Variants in DNAH11 observed in about 807,000 individuals in gnomAD.
The protein encoded by DNAH11 is dynein axonemal heavy chain 11, also known as axonemal beta dynein heavy chain 11.
Under a neutral mutation model 526.0 loss-of-function variants are expected in DNAH11, and 442 were observed. The ratio of observed to expected loss-of-function variants is 0.84; its 90% confidence interval spans 0.78 to 0.91. The LOEUF (loss-of-function observed/expected upper bound fraction) is 0.91. Ranked by LOEUF, DNAH11 falls within the 40% of genes least tolerant of loss-of-function variation. The pLI is 0.00. For missense variants in DNAH11, 6,989 were observed against 5,448.7 expected (o/e 1.28, Z -8.90); for synonymous variants, 2,461 against 1,935.9 (o/e 1.27, Z -7.12).
At chr7:21,760,133 G>T (rs967317254) in intron 54 of DNAH11, among the ~76,000 whole-genome samples, 1 of 152,138 alleles carries the variant, frequency 6.6e-6, no homozygotes, top group Non-Finnish European at 1.5e-5. Context: ...GGGGTGGGAG[G>T]AGAAGGGAGG....
chr7:21,807,062 C>T (rs1001082643), intron 62 of DNAH11, among the ~76,000 whole-genome samples: 7 of 152,156 alleles, frequency 4.6e-5, no homozygotes, highest in African/African-American at 1.7e-4. Flanking sequence ...TATGTTTTAA[C>T]TAATTAAGTA....
At chr7:21,887,354 G>A (rs1346047086) in intron 76 of DNAH11, among the ~76,000 whole-genome samples, 2 of 152,170 alleles carry the variant, frequency 1.3e-5, no homozygotes, top group Non-Finnish European at 2.9e-5. Context: ...ATTTGGCAGC[G>A]TTAATTAAGA....
At chr7:21,734,748 C>T (rs1220628503) in intron 45 of DNAH11, among the ~76,000 whole-genome samples, 2 of 152,006 alleles carry the variant, frequency 1.3e-5, no homozygotes, top group Non-Finnish European at 2.9e-5. Flanking sequence ...GTCTCAGCTA[C>T]TTGGGAGGCT....
At chr7:21,561,199 C>T in intron 5 of DNAH11, 29 bp downstream of exon 5, 1 of 1,476,266 alleles carries the variant, frequency 6.8e-7, no homozygotes, top group Non-Finnish European at 9.3e-7. Flanking sequence ...AGCCTGGCAT[C>T]AATATCACCA....
intron 26 of DNAH11, among the ~76,000 whole-genome samples, chr7:21,637,226 C>G (rs1253827495): frequency 2.0e-5 from 3 of 151,790 alleles, no homozygotes; most frequent in Non-Finnish European, 4.4e-5. Flanking sequence ...CCCTTTCTCT[C>G]TCCTTCTCCT....
intron 20 of DNAH11, among the ~76,000 whole-genome samples, chr7:21,607,232 G>C (rs551590829): frequency 3.3e-4 from 50 of 152,166 alleles, no homozygotes; most frequent in Admixed American, 7.2e-4. Context: ...CATCTAGCAC[G>C]GGAGAAAGAT....
At chr7:21,895,031 C>T (rs1784459493) in intron 79 of DNAH11, 32 bp downstream of exon 79, 4 of 1,571,088 alleles carry the variant, frequency 2.5e-6, no homozygotes, top group Non-Finnish European at 3.5e-6. Flanking sequence ...GCCACTGGCC[C>T]TGAGCAGCCT....
intron 61 of DNAH11, among the ~76,000 whole-genome samples, chr7:21,792,448 A>G (rs73277730): frequency 0.15 from 22,403 of 152,138 alleles, 1,687 homozygotes; most frequent in African/African-American, 0.18. Flanking sequence ...TCCCTCTTCA[A>G]TTTTTTGAAA....
intron 44 of DNAH11, among the ~76,000 whole-genome samples, chr7:21,725,083 A>T (rs2128485392): frequency 6.6e-6 from 1 of 152,348 alleles, no homozygotes; most frequent in South Asian, 2.1e-4. Flanking sequence ...TAAATGGCTT[A>T]TATCTATACT....
At chr7:21,617,103 C>T (rs1219823199) in intron 22 of DNAH11, among the ~76,000 whole-genome samples, 1 of 152,140 alleles carries the variant, frequency 6.6e-6, no homozygotes, top group Non-Finnish European at 1.5e-5. Context: ...TTCTCATTCA[C>T]AATTGCTGAT....
intron 70 of DNAH11, among the ~76,000 whole-genome samples, chr7:21,865,698 T>C (rs1241118402): frequency 1.3e-5 from 2 of 151,708 alleles, no homozygotes; most frequent in African/African-American, 4.8e-5. Flanking sequence ...CCAAGAGAGG[T>C]TCTTGGATCT....
intron 79 of DNAH11, among the ~76,000 whole-genome samples, chr7:21,895,875 G>A (rs757150655): frequency 2.0e-5 from 3 of 152,044 alleles, no homozygotes; most frequent in Non-Finnish European, 2.9e-5. Context: ...GACTACAGGC[G>A]CCCGCCACCA....
intron 45 of DNAH11, among the ~76,000 whole-genome samples, chr7:21,729,432 G>C (rs544787009): frequency 1.3e-5 from 2 of 152,142 alleles, no homozygotes; most frequent in African/African-American, 4.8e-5. Context: ...CATGTTCTGC[G>C]TATGGACAAG....
Position 21,854,350 on chromosome 7 carries a change from C to T in DNAH11, c.11097C>T (p.Asn3699=), listed in dbSNP as rs373865252. 1.2e-5 allele frequency: 20 copies of T among 1,613,432 alleles called. No homozygotes were observed. In the Middle Eastern group the frequency reaches 4.9e-4, roughly 40 times the overall value. ...CCAAAGAAAATGAAAGAAAAATCAA[C>T]GAGGCCCGAGAATGTTACAGACCAG... ...IEAKENERKI[N]EARECYRPVA... The change falls in exon 68 of 82, where the codon AAC becomes AAT. Residue 3699 remains asparagine (N), a synonymous_variant. Transcript: ENST00000409508.
At chr7:21,726,810 G>A (rs1457228362) in intron 45 of DNAH11, among the ~76,000 whole-genome samples, 1 of 112,920 alleles carries the variant, frequency 8.9e-6, no homozygotes, top group Non-Finnish European at 1.8e-5. Flanking sequence ...GCGGTGAGCC[G>A]AGATCGCGCC....
At chr7:21,759,617 T>C (rs749534812) in intron 54 of DNAH11, among the ~76,000 whole-genome samples, 3 of 152,184 alleles carry the variant, frequency 2.0e-5, no homozygotes, top group Non-Finnish European at 4.4e-5. Flanking sequence ...ATGTAAGTGA[T>C]GGATGGAAGC....
intron 73 of DNAH11, among the ~76,000 whole-genome samples, chr7:21,872,892 T>C (rs1465226614): frequency 6.6e-6 from 1 of 152,204 alleles, no homozygotes; most frequent in African/African-American, 2.4e-5. Flanking sequence ...TTAGTTTTCA[T>C]ATTTTCTCAA....
chr7:21,884,871 A>G (rs562710151), intron 76 of DNAH11, among the ~76,000 whole-genome samples: 1 of 152,268 alleles, frequency 6.6e-6, no homozygotes, highest in African/African-American at 2.4e-5. Context: ...TCTGCCTGTC[A>G]TGGAAGTCCT....
rs927630108 is a variant in DNAH11, at chr7:21,896,948, G to A, written c.13049+1949G>A. 5.3e-5 allele frequency among the ~76,000 whole-genome samples: 8 copies of A among 152,116 alleles called. No homozygotes were observed. In the South Asian group the frequency reaches 1.0e-3, roughly 20 times the overall value. ...AAATTAGCCAGGTGTGGTGGCATGC[G>A]ACTGTAGTCCTAGCTACTCAAGGTG... On this transcript the variant is annotated intron_variant, in intron 79 of 81. Transcript: ENST00000409508.
Sources: allele counts gnomAD v4.1 joint callset (sites outside exome capture counted in the v4.1 genomes callset), GRCh38; gene constraint gnomAD v4.1.1; transcripts MANE v1.5; gene names NCBI Gene and HGNC (gene_info 2026-07-23, HGNC 2026-07-21).